Variants in PAM observed in about 807,000 individuals in gnomAD.
PAM encodes the protein peptidyl-glycine alpha-amidating monooxygenase.
A neutral mutation model predicts 122.1 loss-of-function variants in PAM; 72 were observed. That is an observed-to-expected ratio of 0.59 (90% confidence interval 0.49 to 0.72). PAM has a LOEUF of 0.72. Ranked by LOEUF, PAM falls within the 30% of genes least tolerant of loss-of-function variation. PAM has a pLI of 0.00. For synonymous variants in PAM, 389 were observed against 404.4 expected (o/e 0.96, Z 0.46); for missense variants, 1,106 against 1,183.7 (o/e 0.93, Z 0.96).
chr5:102,784,479 C>A (rs1379434987), intron 1 of PAM, among the ~76,000 whole-genome samples: 1 of 152,150 alleles, frequency 6.6e-6, no homozygotes, highest in Non-Finnish European at 1.5e-5. Flanking sequence ...TTGTACAGTA[C>A]TTATTACAAA....
chr5:102,936,451 A>G (rs944642426), intron 7 of PAM, among the ~76,000 whole-genome samples: 8 of 152,158 alleles, frequency 5.3e-5, no homozygotes, highest in African/African-American at 1.9e-4. Context: ...TTAATGTGCA[A>G]GTTCCAACAT....
At chr5:102,970,792 T>C (rs891445857) in intron 14 of PAM, among the ~76,000 whole-genome samples, 45 of 152,204 alleles carry the variant, frequency 3.0e-4, no homozygotes, top group African/African-American at 1.1e-3. Context: ...GGGCTTTTTT[T>C]TTAATTTTAT....
chr5:102,921,448 C>T (rs1021389388), intron 5 of PAM, among the ~76,000 whole-genome samples: 1 of 152,036 alleles, frequency 6.6e-6, no homozygotes, highest in African/African-American at 2.4e-5. Flanking sequence ...GATATGTTAT[C>T]AGTTATAGAA....
rs560844072 is a variant in PAM at position 102,774,017 on chromosome 5, C to G, written c.-374+18669C>G. Among the ~76,000 whole-genome samples the G allele has an allele frequency of 1.8e-4, 28 of 152,144 alleles. No individual in the cohort carries two copies. In the East Asian group the frequency reaches 5.2e-3, roughly 28 times the overall value. On this transcript the variant is annotated intron_variant, in intron 1 of 25. Coordinates refer to ENST00000438793, the MANE Select transcript of PAM (RefSeq NM_001177306.2). ...TTTGGTAAGGTTAAAACCTCCAGCT[C>G]CACCCATGTTCCTACAAAAGACATG... is the stretch of plus-strand genomic sequence containing the variant.
intron 7 of PAM, among the ~76,000 whole-genome samples, chr5:102,937,639 C>T (rs142508127): frequency 5.9e-5 from 9 of 152,060 alleles, no homozygotes; most frequent in Admixed American, 2.0e-4. Context: ...ATGAGAACAG[C>T]CTAACTAAAA....
intron 1 of PAM, among the ~76,000 whole-genome samples, chr5:102,809,628 A>T (rs567603066): frequency 1.3e-5 from 2 of 152,262 alleles, no homozygotes; most frequent in East Asian, 3.9e-4. Context: ...TGTTTCTTGT[A>T]TTTTTGAAGC....
At chr5:102,761,336 G>T (rs1332008072) in intron 1 of PAM, among the ~76,000 whole-genome samples, 2 of 152,222 alleles carry the variant, frequency 1.3e-5, no homozygotes, top group African/African-American at 4.8e-5. Context: ...AGCTCATTTT[G>T]TAGAGAGTGT....
At chr5:102,965,984 G>T (rs1220978629) in intron 14 of PAM, among the ~76,000 whole-genome samples, 3 of 152,038 alleles carry the variant, frequency 2.0e-5, no homozygotes, top group African/African-American at 7.2e-5. Flanking sequence ...GCTGGGCATG[G>T]TAGCTAAAAT....
Position 102,949,524 on chromosome 5 carries a change from T to G in PAM, c.644-13T>G. On this transcript the variant is annotated splice_polypyrimidine_tract_variant and intron_variant, in intron 9 of 25. Coordinates refer to ENST00000438793, the MANE Select transcript of PAM (RefSeq NM_001177306.2). The stretch of plus-strand genomic sequence containing the variant: ...TGAATAGTGACTTTTGTCTGTGTTT[T>G]CATTTCCCACAGTGGTGAATTCTGA... The G allele has an allele frequency of 1.5e-6, 2 of 1,361,770 alleles. No individual in the cohort carries two copies. Among genetic ancestry groups the G allele is most frequent in the African/African-American group, 2.8e-5 (2 of 70,264 alleles). 84.4% of individuals were successfully genotyped at this position (1,361,770 alleles called of 1,614,324 possible). A position where few individuals can be genotyped will look rare whatever the true frequency, so the allele number is the denominator to read the frequency against.
Position 102,817,971 on chromosome 5 carries a change from G to C in PAM, c.-373-47852G>C, listed in dbSNP as rs147250191. On this transcript the variant is annotated intron_variant, in intron 1 of 25. Transcript: ENST00000438793. ...AGGGCCTGTGCAGTCACCTCTTTCAGGTCTTTTCTTTGTAAAACCTTTACC... is the reference window on the plus strand; with the variant it reads ...AGGGCCTGTGCAGTCACCTCTTTCACGTCTTTTCTTTGTAAAACCTTTACC... 5.4e-3 allele frequency among the ~76,000 whole-genome samples: 778 copies of C among 142,960 alleles called. 9 individuals carry two copies. The highest frequency in any genetic ancestry group is 0.019 in the African/African-American group (732 of 38,264). 93.8% of individuals were successfully genotyped at this position (142,960 alleles called of 152,430 possible). A position where few individuals can be genotyped will look rare whatever the true frequency, so the allele number is the denominator to read the frequency against.
intron 3 of PAM, among the ~76,000 whole-genome samples, chr5:102,893,832 C>A (rs911365487): frequency 6.6e-6 from 1 of 151,748 alleles, no homozygotes; most frequent in Non-Finnish European, 1.5e-5. Flanking sequence ...GTAATATCAA[C>A]ATTGCTTTAA....
At chr5:102,808,456 T>C (rs1013368873) in intron 1 of PAM, among the ~76,000 whole-genome samples, 8 of 152,104 alleles carry the variant, frequency 5.3e-5, no homozygotes, top group Admixed American at 4.6e-4. Flanking sequence ...GAAAACTGAA[T>C]GCACAGTGTA....
intron 15 of PAM, among the ~76,000 whole-genome samples, chr5:102,988,187 T>C (rs1316038159): frequency 6.6e-6 from 1 of 152,210 alleles, no homozygotes. Context: ...ATTCTGCAAT[T>C]ATAAACATCC....
chr5:102,832,162 T>C (rs745986311), intron 1 of PAM, among the ~76,000 whole-genome samples: 38 of 152,208 alleles, frequency 2.5e-4, no homozygotes, highest in Non-Finnish European at 4.7e-4. Flanking sequence ...TCCTACTTTG[T>C]ATCTAGCAGT....
intron 1 of PAM, among the ~76,000 whole-genome samples, chr5:102,857,663 G>A (rs1334209082): frequency 6.6e-6 from 1 of 152,158 alleles, no homozygotes; most frequent in East Asian, 1.9e-4. Context: ...GGTACCATGG[G>A]CATGTTACCA....
intron 22 of PAM, among the ~76,000 whole-genome samples, chr5:103,018,950 A>G (rs978353138): frequency 2.6e-5 from 4 of 152,200 alleles, no homozygotes; most frequent in Non-Finnish European, 4.4e-5. Flanking sequence ...AAAAGGGTTC[A>G]GGCTCCTATG....
intron 3 of PAM, among the ~76,000 whole-genome samples, chr5:102,871,771 AT>A (rs1251373177): frequency 6.8e-6 from 1 of 147,498 alleles, no homozygotes; most frequent in East Asian, 1.9e-4. Context: ...ATAAGCCTTG[AT>A]TTTTTTTCAG....
At chr5:102,970,188 G>A (rs1765386920) in intron 14 of PAM, among the ~76,000 whole-genome samples, 1 of 152,178 alleles carries the variant, frequency 6.6e-6, no homozygotes, top group East Asian at 1.9e-4. Flanking sequence ...ATGTAAGGAA[G>A]AATGAATCAG....
chr5:102,786,682 T>G (rs1221728027), intron 1 of PAM, among the ~76,000 whole-genome samples: 1 of 152,154 alleles, frequency 6.6e-6, no homozygotes, highest in Non-Finnish European at 1.5e-5. Flanking sequence ...CACATGCCAT[T>G]TTTTAGGTCA....
Sources: gnomAD v4.1 joint callset for allele counts (sites outside exome capture counted in the v4.1 genomes callset) on GRCh38, gnomAD v4.1.1 for gene constraint, MANE v1.5 for transcripts, NCBI Gene and HGNC (gene_info 2026-07-23, HGNC 2026-07-21) for gene names.